Variants in TRPS1 observed in about 807,000 individuals in gnomAD.
TRPS1 encodes transcriptional repressor GATA binding 1, also known as zinc finger transcription factor Trps1.
Under a neutral mutation model 101.2 loss-of-function variants are expected in TRPS1, and 6 were observed. That is an observed-to-expected ratio of 0.06 (90% CI 0.03 to 0.12). The LOEUF is 0.12. Among genes scored for constraint, TRPS1 ranks in the 10% least tolerant of loss-of-function variants. The pLI, the probability that TRPS1 is intolerant of heterozygous loss-of-function variation, is 1.00. For missense variants in TRPS1, 1,363 were observed against 1,567.0 expected, an observed-to-expected ratio of 0.87 and a Z score of 2.20; for synonymous variants, 578 against 589.8, an observed-to-expected ratio of 0.98 and a Z score of 0.29.
chr8:115,547,125 A>C (rs1278757176), intron 5 of TRPS1, among the ~76,000 whole-genome samples: 1 of 152,226 alleles, frequency 6.6e-6, no homozygotes, highest in East Asian at 1.9e-4. Context: ...CAAATGGTAT[A>C]ATTCATGCCT....
In TRPS1 at chr8:115,467,627, G is replaced by A. The variant is rs1170569248; in HGVS notation, c.2701-49175C>T. On this transcript the variant is annotated intron_variant, in intron 5 of 6. Transcript: ENST00000395715. ...AGGCTAGAAGGATAGCACTGGAAAT[G>A]ACATTAACAGACATAAGGGGAATAA... Among the ~76,000 whole-genome samples the A allele has an allele frequency of 4.6e-5, 7 of 152,086 alleles. 1 individual carries two copies. The highest frequency in any genetic ancestry group is 8.8e-5 in the Non-Finnish European group (6 of 67,996).
At chr8:115,477,267 A>C (rs1049969555) in intron 5 of TRPS1, among the ~76,000 whole-genome samples, 2 of 152,254 alleles carry the variant, frequency 1.3e-5, no homozygotes, top group African/African-American at 4.8e-5. Flanking sequence ...CATAGACAGA[A>C]AGTGACAAGA....
rs1300961183 is a variant in TRPS1, at chr8:115,604,422, C to T, written c.1547G>A (p.Ser516Asn). 4 of 1,614,102 alleles carry T rather than the reference C, an allele frequency of 2.5e-6. No individual in the cohort carries two copies. Among genetic ancestry groups the T allele is most frequent in the Middle Eastern group, 3.3e-4 (2 of 6,062 alleles). The change falls in exon 4 of 7, where the codon AGT (serine) becomes AAT (asparagine). Residue 516 changes from serine (S) to asparagine (N), a missense_variant. Coordinates refer to ENST00000395715, the MANE Select transcript of TRPS1 (RefSeq NM_014112.5). The surrounding 1 kb of genome is among the most constrained non-coding windows in gnomAD (Gnocchi z 4.1). ...GGAGAAGTCCTTCTTTTTAGCCCCA[C>T]TCGAGCTCTTGTCTGTCTTGGTCAT... is the stretch of plus-strand genomic sequence containing the variant. Reference protein sequence around the residue: ...ETMTKTDKSSSGAKKKDFSSK... With the variant: ...ETMTKTDKSSNGAKKKDFSSK...
At chr8:115,435,946 A>G (rs927955452) in intron 5 of TRPS1, among the ~76,000 whole-genome samples, 5 of 151,506 alleles carry the variant, frequency 3.3e-5, no homozygotes, top group African/African-American at 1.2e-4. Context: ...ATGTCTCGAT[A>G]CTAGGATTTT....
intron 4 of TRPS1, among the ~76,000 whole-genome samples, chr8:115,590,568 T>C (rs13269499): frequency 0.7 from 106,095 of 152,100 alleles, 38,395 homozygotes; most frequent in African/African-American, 0.89. Context: ...TACAAAATTC[T>C]TGTGGACCAC....
intron 1 of TRPS1, among the ~76,000 whole-genome samples, chr8:115,648,695 A>ATTTT (rs80001034): frequency 6.6e-6 from 1 of 151,750 alleles, no homozygotes; most frequent in African/African-American, 2.4e-5. Flanking sequence ...TATTATTATT[A>ATTTT]TTTTATTTCT....
At chr8:115,509,087 T>C (rs544877295) in intron 5 of TRPS1, among the ~76,000 whole-genome samples, 1 of 152,118 alleles carries the variant, frequency 6.6e-6, no homozygotes, top group Admixed American at 6.6e-5. Context: ...CCTTATACTG[T>C]ATTAGTGTGT....
Position 115,409,919 on chromosome 8 carries a change from C to CTTTTTTTTTTT in TRPS1, c.*4093_*4103dup, listed in dbSNP as rs71287271. ...ACCAAAGACGACTTGATCTTTTTTT[C>CTTTTTTTTTTT]TTTTTTTTTTTTTGCCATGGCTCTC... On this transcript the variant is annotated 3_prime_UTR_variant, in exon 7 of 7. Transcript: ENST00000395715. The CTTTTTTTTTTT allele has an allele frequency of 7.0e-6, 1 of 143,490 alleles. No individual in the cohort carries two copies. 8.9% of individuals were successfully genotyped at this position (143,490 alleles called of 1,614,324 possible).
intron 5 of TRPS1, among the ~76,000 whole-genome samples, chr8:115,505,752 C>A (rs1815426464): frequency 6.6e-6 from 1 of 152,050 alleles, no homozygotes; most frequent in South Asian, 2.1e-4. Context: ...AACTCATGAG[C>A]TTTTTGTTTA....
At chr8:115,504,715 A>G (rs1430118256) in intron 5 of TRPS1, among the ~76,000 whole-genome samples, 3 of 152,184 alleles carry the variant, frequency 2.0e-5, no homozygotes, top group East Asian at 3.8e-4. Context: ...TTTCCATGAA[A>G]TTATAATGTT....
At chr8:115,621,393 A>G (rs1331824996) in intron 2 of TRPS1, among the ~76,000 whole-genome samples, 2 of 152,224 alleles carry the variant, frequency 1.3e-5, no homozygotes, top group South Asian at 2.1e-4. Flanking sequence ...GAGAAAATCT[A>G]AATTAATAAC....
chr8:115,579,849 A>G (rs1367140698), intron 5 of TRPS1, among the ~76,000 whole-genome samples: 1 of 152,126 alleles, frequency 6.6e-6, no homozygotes, highest in Admixed American at 6.6e-5. Flanking sequence ...AGTGAGAGGG[A>G]GGCATTTAAT....
intron 5 of TRPS1, among the ~76,000 whole-genome samples, chr8:115,557,594 C>T (rs1395661872): frequency 6.6e-6 from 1 of 152,118 alleles, no homozygotes; most frequent in Non-Finnish European, 1.5e-5. Flanking sequence ...TCTTCTCTCT[C>T]CTGCTGCCTT....
rs753122517 is a variant in TRPS1, at chr8:115,587,096, C to T, written c.2605G>A (p.Ala869Thr). The change falls in exon 5 of 7, where the codon GCG (alanine) becomes ACG (threonine). Residue 869 changes from alanine to threonine, a missense_variant. This residue lies in a region of TRPS1 where 1,020 missense variants were observed against 1,073.0 expected (regional missense o/e 0.95). Transcript: ENST00000395715. ...CCAGACTTCTCTCCGCCAGCTGGCG[C>T]CCCCTGCAGGAATCCCTTGGTTTCC... ...AVETKGFLQGAPAGGEKSGAL... is the reference protein window; with the variant it reads ...AVETKGFLQGTPAGGEKSGAL... 1 of 1,614,008 alleles carries T rather than the reference C, an allele frequency of 6.2e-7. No homozygotes were observed. Among genetic ancestry groups the T allele is most frequent in the African/African-American group, 1.3e-5 (1 of 74,946 alleles).
intron 5 of TRPS1, among the ~76,000 whole-genome samples, chr8:115,539,759 G>A (rs529319202): frequency 5.3e-5 from 8 of 152,290 alleles, no homozygotes; most frequent in Admixed American, 1.3e-4. Context: ...TCGGGAGGCC[G>A]AGATAGTAGG....
rs1818004474 is a variant in TRPS1, at chr8:115,604,989, C to T, written c.980G>A (p.Gly327Glu). ...TTTCCGTCCAATGCCAATGAATGTT[C>T]CACCTGAAGTCACCTGGAGAACAGA... is the stretch of plus-strand genomic sequence containing the variant. ...GTYDVQVTSG[G>E]TFIGIGRKTP... Residue 327 changes from glycine (G) to glutamate (E), a missense_variant, in exon 4 of 7, where the codon GGA becomes GAA. By Grantham distance (98) the Gly-to-Glu change is moderately conservative. This residue lies in a region of TRPS1 where 1,020 missense variants were observed against 1,073.0 expected (regional missense o/e 0.95). Transcript: ENST00000395715. The surrounding 1 kb of genome is among the most constrained non-coding windows in gnomAD (Gnocchi z 4.1). 6.2e-7 allele frequency: 1 copy of T among 1,613,464 alleles called. No homozygotes were observed. Among genetic ancestry groups the T allele is most frequent in the African/African-American group, 1.3e-5 (1 of 75,006 alleles).
chr8:115,516,828 G>C lies in TRPS1; in HGVS notation c.2700+70173C>G, dbSNP rs1329373124. On this transcript the variant is annotated intron_variant, in intron 5 of 6. Coordinates refer to ENST00000395715, the MANE Select transcript of TRPS1 (RefSeq NM_014112.5). ...CACCGTTAAGCTTAATCCCAAACCAGTGTTCTTTTACTATATAACACTATC... is the reference window on the plus strand; with the variant it reads ...CACCGTTAAGCTTAATCCCAAACCACTGTTCTTTTACTATATAACACTATC... Among the ~76,000 whole-genome samples the C allele has an allele frequency of 3.3e-5, 5 of 151,452 alleles. No individual in the cohort carries two copies. The East Asian group carries it at 9.7e-4, about 29-fold the overall frequency.
chr8:115,640,022 T>C (rs1818859809), intron 1 of TRPS1, among the ~76,000 whole-genome samples: 1 of 152,186 alleles, frequency 6.6e-6, no homozygotes, highest in Non-Finnish European at 1.5e-5. Flanking sequence ...AAATGTACAG[T>C]ATGTTACAGT....
In TRPS1 at chr8:115,414,756, T is replaced by C. The variant is rs1812872364; in HGVS notation, c.3152A>G (p.Gln1051Arg). The C allele has an allele frequency of 1.2e-6, 2 of 1,614,088 alleles. No individual in the cohort carries two copies. The highest frequency in any genetic ancestry group is 1.3e-5 in the African/African-American group (1 of 75,040). Residue 1051 changes from glutamine to arginine, a missense_variant, in exon 7 of 7, where the codon CAG becomes CGG. Coordinates refer to ENST00000395715, the MANE Select transcript of TRPS1 (RefSeq NM_014112.5). The surrounding 1 kb of genome is among the most constrained non-coding windows in gnomAD (Gnocchi z 4.8). ...IHKRMQPLHI[Q>R]IKSPQESTGD... ...AGTACTTTCCTGAGGACTTTTTATC[T>C]GAATGTGCAAAGGTTGCATCCTTTT...
Sources: gnomAD v4.1 joint callset for allele counts (sites outside exome capture counted in the v4.1 genomes callset) on GRCh38, gnomAD v4.1.1 for gene constraint, gnomAD v4.1.1 regional missense constraint, Gnocchi (gnomAD v3.1) non-coding constraint, MANE v1.5 for transcripts, NCBI Gene and HGNC (gene_info 2026-07-23, HGNC 2026-07-21) for gene names.